The following CATSPERB variants were observed in gnomAD, a reference collection of about 807,000 sequenced individuals.
The protein encoded by CATSPERB is catsper channel auxiliary subunit beta.
A neutral mutation model predicts 128.3 loss-of-function variants in CATSPERB; 93 were observed. That is an observed-to-expected ratio of 0.72 (90% CI 0.61 to 0.86). The LOEUF is 0.86. Among genes scored for constraint, CATSPERB ranks in the 40% least tolerant of loss-of-function variants. The pLI is 0.00. For synonymous variants in CATSPERB, 381 were observed against 448.8 expected, an observed-to-expected ratio of 0.85 and a Z score of 1.91; for missense variants, 1,153 against 1,329.5, an observed-to-expected ratio of 0.87 and a Z score of 2.06.
At chr14:91,604,895 C>G (rs748434443) in intron 22 of CATSPERB, 1 of 1,281,056 alleles carries the variant, frequency 7.8e-7, no homozygotes. Flanking sequence ...GTTCTGGAAC[C>G]ACGTCTTAAC....
intron 26 of CATSPERB, among the ~76,000 whole-genome samples, chr14:91,586,165 A>G (rs1449081847): frequency 6.6e-6 from 1 of 152,126 alleles, no homozygotes; most frequent in Admixed American, 6.5e-5. Flanking sequence ...GTGCTAGTTT[A>G]CATAAAGAAT....
chr14:91,631,080 CACCATATTT>C, intron 17 of CATSPERB, among the ~76,000 whole-genome samples: 1 of 152,204 alleles, frequency 6.6e-6, no homozygotes, highest in Admixed American at 6.5e-5. Flanking sequence ...CTCCCTCTGT[CACCATATTT>C]ACTTTCTTCA....
chr14:91,632,721 T>C (rs1319795130), intron 17 of CATSPERB, among the ~76,000 whole-genome samples: 20 of 152,002 alleles, frequency 1.3e-4, no homozygotes, highest in Admixed American at 1.3e-3. Flanking sequence ...AGGATTAATC[T>C]AACAAATAAA....
At chr14:91,698,523 G>C (rs914570910) in intron 7 of CATSPERB, among the ~76,000 whole-genome samples, 6 of 152,134 alleles carry the variant, frequency 3.9e-5, no homozygotes, top group Non-Finnish European at 8.8e-5. Flanking sequence ...AATGTTATCT[G>C]TGTGTTTGTC....
At chr14:91,593,405 G>A (rs897771937) in intron 22 of CATSPERB, among the ~76,000 whole-genome samples, 5 of 152,234 alleles carry the variant, frequency 3.3e-5, no homozygotes, top group African/African-American at 1.2e-4. Flanking sequence ...ACCCTGCAAA[G>A]CCACAGGGGT....
Position 91,621,612 on chromosome 14 carries a change from T to C in CATSPERB, c.2256A>G (p.Ala752=), listed in dbSNP as rs754493339. 38 of 1,566,274 alleles carry C rather than the reference T, an allele frequency of 2.4e-5. No homozygotes were observed. In the South Asian group the frequency reaches 4.5e-4, roughly 19 times the overall value. The part of the protein sequence containing the change: ...YVLKAKVIRN[A]KGFRMLEIPL... Reference sequence around the variant, plus strand: ...TTCCGATCAAAACAAACTTACCTTTTGCATTCCGTATGACCTTAGCTTTTA... The same window carrying C: ...TTCCGATCAAAACAAACTTACCTTTCGCATTCCGTATGACCTTAGCTTTTA... Residue 752 remains alanine (A), a synonymous_variant, in exon 19 of 27, where the codon GCA becomes GCG. Transcript: ENST00000256343.
chr14:91,657,282 C>T (rs1894804329), intron 15 of CATSPERB, among the ~76,000 whole-genome samples: 1 of 152,020 alleles, frequency 6.6e-6, no homozygotes, highest in Non-Finnish European at 1.5e-5. Flanking sequence ...ATATGTTAGG[C>T]CATCCATATC....
At chr14:91,627,476 C>T (rs1200319688) in intron 17 of CATSPERB, among the ~76,000 whole-genome samples, 4 of 152,128 alleles carry the variant, frequency 2.6e-5, no homozygotes, top group Admixed American at 2.0e-4. Flanking sequence ...GCAGGAAAAA[C>T]AGCAGTGATG....
At chr14:91,710,065 C>T (rs1346120347) in intron 5 of CATSPERB, 1 of 154,616 alleles carries the variant, frequency 6.5e-6, no homozygotes, top group African/African-American at 2.4e-5. Context: ...GCTGGTAGCT[C>T]CAGAGGTGGA....
intron 14 of CATSPERB, among the ~76,000 whole-genome samples, chr14:91,661,400 C>T (rs1007271697): frequency 3.3e-5 from 5 of 151,614 alleles, no homozygotes; most frequent in Non-Finnish European, 7.4e-5. Context: ...AAAGTTGTAC[C>T]CAAATTTTCA....
chr14:91,611,699 A>T (rs944286798), intron 20 of CATSPERB, among the ~76,000 whole-genome samples: 3 of 152,192 alleles, frequency 2.0e-5, no homozygotes, highest in Admixed American at 2.0e-4. Context: ...ATACTGTATT[A>T]TAATCAGTAC....
chr14:91,608,237 CTGAA>C (rs1406525860), intron 22 of CATSPERB, 53 bp downstream of exon 22: 1 of 1,071,216 alleles, frequency 9.3e-7, no homozygotes, highest in African/African-American at 1.6e-5. Context: ...TATAATTTTA[CTGAA>C]TGATTTCCTG....
chr14:91,694,679 T>A (rs1595182194), intron 7 of CATSPERB, among the ~76,000 whole-genome samples: 1 of 152,304 alleles, frequency 6.6e-6, no homozygotes, highest in East Asian at 1.9e-4. Context: ...TACTTTTTTA[T>A]TTGTGATTTT....
At chr14:91,700,001 G>A (rs964634347) in intron 7 of CATSPERB, among the ~76,000 whole-genome samples, 2 of 151,512 alleles carry the variant, frequency 1.3e-5, no homozygotes, top group South Asian at 2.1e-4. Flanking sequence ...TTTTGCATAG[G>A]TGTACATGTG....
chr14:91,660,574 G>T (rs1231266309), intron 14 of CATSPERB, among the ~76,000 whole-genome samples: 25 of 152,194 alleles, frequency 1.6e-4, no homozygotes, highest in Admixed American at 1.6e-3. Flanking sequence ...GGATAAAACA[G>T]ATCAATTCTG....
chr14:91,628,176 C>G (rs1313589090), intron 17 of CATSPERB, among the ~76,000 whole-genome samples: 1 of 151,954 alleles, frequency 6.6e-6, no homozygotes, highest in Non-Finnish European at 1.5e-5. Flanking sequence ...AATTGGAGGT[C>G]TCACTATTTT....
chr14:91,703,711 A>G (rs1895690086), intron 7 of CATSPERB, among the ~76,000 whole-genome samples: 1 of 152,238 alleles, frequency 6.6e-6, no homozygotes. Context: ...CCACGGGGAC[A>G]GAAGCTCCTT....
chr14:91,688,090 C>G (rs1394258000), intron 10 of CATSPERB, among the ~76,000 whole-genome samples: 1 of 152,058 alleles, frequency 6.6e-6, no homozygotes, highest in Non-Finnish European at 1.5e-5. Flanking sequence ...CATTTTCTTC[C>G]CCTTTATTGA....
chr14:91,660,001 A>C lies in CATSPERB; in HGVS notation c.1288-20T>G, dbSNP rs2139820997. 6.4e-7 allele frequency: 1 copy of C among 1,553,462 alleles called. No homozygotes were observed. The highest frequency in any genetic ancestry group is 1.2e-5 in the South Asian group (1 of 81,090). On this transcript the variant is annotated intron_variant, in intron 14 of 26. Transcript: ENST00000256343. Reference sequence around the variant, plus strand: ...CCATATCTAAAGGAATAAAGAGATAATACCTTACTAAAGGGCTGCCATGCA... The same window carrying C: ...CCATATCTAAAGGAATAAAGAGATACTACCTTACTAAAGGGCTGCCATGCA...
Sources: allele counts gnomAD v4.1 joint callset (sites outside exome capture counted in the v4.1 genomes callset), GRCh38; gene constraint gnomAD v4.1.1; transcripts MANE v1.5; gene names NCBI Gene and HGNC (gene_info 2026-07-23, HGNC 2026-07-21).